Variants in HSD17B4 observed in about 807,000 individuals in gnomAD.
HSD17B4 encodes the protein hydroxysteroid 17-beta dehydrogenase 4.
A neutral mutation model predicts 101.0 loss-of-function variants in HSD17B4; 70 were observed. That is an observed-to-expected ratio of 0.69 (90% CI 0.57 to 0.85). The LOEUF (loss-of-function observed/expected upper bound fraction) is 0.85. HSD17B4 is among the 40% of genes least tolerant of loss of function. The pLI is 0.00. For synonymous variants in HSD17B4, 347 were observed against 297.1 expected, an observed-to-expected ratio of 1.17 and a Z score of -1.73; for missense variants, 984 against 892.4, an observed-to-expected ratio of 1.10 and a Z score of -1.31.
Position 119,475,124 on chromosome 5 carries a change from T to G in HSD17B4, c.281-582T>G, listed in dbSNP as rs578229098. 2.2e-3 allele frequency among the ~76,000 whole-genome samples: 333 copies of G among 152,248 alleles called. 1 individual carries two copies. Among genetic ancestry groups the G allele is most frequent in the African/African-American group, 7.7e-3 (318 of 41,558 alleles). On this transcript the variant is annotated intron_variant, in intron 4 of 23. Coordinates refer to ENST00000510025, the MANE Select transcript of HSD17B4 (RefSeq NM_000414.4). ...TTTTTCTAATTTTGTTTGATTGAAC[T>G]CATAAGAACCATGTTCACATATCGT... is the stretch of plus-strand genomic sequence containing the variant.
chr5:119,534,234 C>G (rs2126907343), intron 22 of HSD17B4, among the ~76,000 whole-genome samples: 1 of 152,014 alleles, frequency 6.6e-6, no homozygotes, highest in Non-Finnish European at 1.5e-5. Flanking sequence ...ATTTAGTTGG[C>G]AAGATACTAT....
At chr5:119,539,922 C>CAAAAAAA (rs35193622) in intron 23 of HSD17B4, among the ~76,000 whole-genome samples, 1 of 105,820 alleles carries the variant, frequency 9.5e-6, no homozygotes, top group African/African-American at 3.8e-5. Context: ...CTGTCTCTAC[C>CAAAAAAA]AAAAAAAAAA....
At chr5:119,514,307 C>G (rs1752423914) in intron 16 of HSD17B4, among the ~76,000 whole-genome samples, 2 of 152,198 alleles carry the variant, frequency 1.3e-5, no homozygotes, top group South Asian at 4.1e-4. Context: ...TCTTAACTCT[C>G]TGAAAGGATA....
At chr5:119,494,037 G>T (rs1750367635) in intron 11 of HSD17B4, 91 bp downstream of exon 11, 1 of 1,297,728 alleles carries the variant, frequency 7.7e-7, no homozygotes, top group African/African-American at 1.5e-5. Flanking sequence ...TATGTTAACT[G>T]TAGTGTTAAG....
intron 1 of HSD17B4, 59 bp downstream of exon 1, chr5:119,452,692 T>G: frequency 6.2e-7 from 1 of 1,610,374 alleles, no homozygotes; most frequent in Non-Finnish European, 8.5e-7. Flanking sequence ...GCTGCTCTTT[T>G]CGGGCCGGCA....
chr5:119,511,723 C>T (rs1299830696), intron 16 of HSD17B4, among the ~76,000 whole-genome samples: 2 of 152,220 alleles, frequency 1.3e-5, no homozygotes, highest in South Asian at 2.1e-4. Context: ...AATAGACTCA[C>T]ATGTAAGAGT....
intron 21 of HSD17B4, 37 bp downstream of exon 21, chr5:119,530,017 A>C: frequency 2.5e-6 from 3 of 1,213,854 alleles, no homozygotes; most frequent in Non-Finnish European, 3.7e-6. Context: ...CCACTTCCTC[A>C]TTTAGGAATT....
At chr5:119,464,306 G>C (rs115372463) in intron 2 of HSD17B4, among the ~76,000 whole-genome samples, 2 of 151,984 alleles carry the variant, frequency 1.3e-5, no homozygotes, top group Non-Finnish European at 2.9e-5. Flanking sequence ...TCTTCTAGTA[G>C]TTTCATAGTT....
At chr5:119,481,325 C>T (rs887629089) in intron 8 of HSD17B4, among the ~76,000 whole-genome samples, 17 of 152,172 alleles carry the variant, frequency 1.1e-4, no homozygotes, top group South Asian at 2.1e-4. Context: ...CAGCCGGTCT[C>T]TCTGTTTGGG....
chr5:119,499,841 A>G (rs544722546), intron 13 of HSD17B4, among the ~76,000 whole-genome samples: 31 of 152,266 alleles, frequency 2.0e-4, no homozygotes, highest in Admixed American at 1.8e-3. Context: ...CCAAGGGTAA[A>G]TAACATCTCT....
intron 20 of HSD17B4, among the ~76,000 whole-genome samples, chr5:119,527,861 G>A (rs1277736420): frequency 6.6e-6 from 1 of 151,944 alleles, no homozygotes; most frequent in African/African-American, 2.4e-5. Context: ...ACAGAGTCTG[G>A]GCCTAACAAA....
At chr5:119,538,097 A>G (rs1043746023) in intron 23 of HSD17B4, among the ~76,000 whole-genome samples, 1 of 152,026 alleles carries the variant, frequency 6.6e-6, no homozygotes, top group Admixed American at 6.6e-5. Context: ...CTGATGGGAA[A>G]CTTTCTGGCA....
chr5:119,541,938 AAC>A lies in HSD17B4; in HGVS notation c.2157_2158del (p.Ile720HisfsTer11). ...TAGTGGCAGGCTGAAGGCCAGAGGG[AAC>A]ATCATGCTGAGCCAGAAACTTCAGA... ...FFSGRLKARGNIMLSQKLQMI... is the reference protein window; with the variant it reads ...FFSGRLKARGXIMLSQKLQMI... On this transcript the variant is annotated frameshift_variant, in exon 24 of 24. Transcript: ENST00000510025. LOFTEE classifies it high-confidence loss of function. 2 of 1,613,276 alleles carry A rather than the reference AAC, an allele frequency of 1.2e-6. No individual in the cohort carries two copies. The highest frequency in any genetic ancestry group is 1.7e-6 in the Non-Finnish European group (2 of 1,179,506).
chr5:119,471,749 G>C (rs1756392184), intron 2 of HSD17B4: 1 of 946,454 alleles, frequency 1.1e-6, no homozygotes, highest in African/African-American at 1.7e-5. Context: ...ATTTATCTAT[G>C]TATCTTTTTA....
chr5:119,490,495 T>C (rs1176171597), intron 9 of HSD17B4, among the ~76,000 whole-genome samples: 1 of 152,228 alleles, frequency 6.6e-6, no homozygotes, highest in Non-Finnish European at 1.5e-5. Context: ...ATTATCACTA[T>C]CCAGAGAGAA....
chr5:119,512,150 T>C (rs1254930870), intron 16 of HSD17B4, among the ~76,000 whole-genome samples: 2 of 152,034 alleles, frequency 1.3e-5, no homozygotes, highest in Non-Finnish European at 2.9e-5. Context: ...TGATAGTGAT[T>C]ATACAAACTA....
intron 2 of HSD17B4, among the ~76,000 whole-genome samples, chr5:119,464,979 G>T (rs1320508873): frequency 6.6e-6 from 1 of 151,258 alleles, no homozygotes; most frequent in Non-Finnish European, 1.5e-5. Flanking sequence ...TATTGCTTTG[G>T]TTATTTGGGA....
chr5:119,524,910 G>A (rs1237530795), intron 17 of HSD17B4, among the ~76,000 whole-genome samples: 1 of 151,976 alleles, frequency 6.6e-6, no homozygotes, highest in Non-Finnish European at 1.5e-5. Context: ...TGTATAAATG[G>A]GAGTAGATTG....
chr5:119,493,726 C>T (rs1750328877), intron 10 of HSD17B4, 92 bp from the exon 11 acceptor site: 30 of 1,206,446 alleles, frequency 2.5e-5, no homozygotes, highest in Admixed American at 2.5e-4. Flanking sequence ...TTCTGAATTT[C>T]CTTTCTCTTT....
Sources: gnomAD v4.1 joint callset for allele counts (sites outside exome capture counted in the v4.1 genomes callset) on GRCh38, gnomAD v4.1.1 for gene constraint, MANE v1.5 for transcripts, NCBI Gene and HGNC (gene_info 2026-07-23, HGNC 2026-07-21) for gene names.